The following DSE variants were observed in gnomAD, a reference collection of about 807,000 sequenced individuals.
DSE encodes dermatan sulfate epimerase.
DSE carries 36 observed loss-of-function variants against 84.4 expected under a neutral mutation model. The ratio of observed to expected loss-of-function variants is 0.43; its 90% CI spans 0.33 to 0.56. The LOEUF (loss-of-function observed/expected upper bound fraction) is 0.56. Ranked by LOEUF, DSE falls within the 20% of genes least tolerant of loss-of-function variation. The pLI is 0.06. For synonymous variants in DSE, 410 were observed against 430.1 expected (o/e 0.95, Z 0.58); for missense variants, 862 against 1,169.6 (o/e 0.74, Z 3.84).
intron 2 of DSE, among the ~76,000 whole-genome samples, chr6:116,416,036 C>G (rs187957423): frequency 5.2e-4 from 79 of 152,322 alleles, no homozygotes; most frequent in Non-Finnish European, 8.1e-4. Flanking sequence ...TTGCCTTTTT[C>G]TAGCTTTTGG....
chr6:116,369,012 T>G (rs1779343286), upstream of DSE, among the ~76,000 whole-genome samples: 1 of 151,210 alleles, frequency 6.6e-6, no homozygotes. Flanking sequence ...AGCAAAATTG[T>G]GGGGGGTGTG....
At chr6:116,358,634 ATAAACAAATGATCTTCCTAT>A (rs1158784404) in intron 2 of DSE, among the ~76,000 whole-genome samples, 1 of 152,206 alleles carries the variant, frequency 6.6e-6, no homozygotes, top group Non-Finnish European at 1.5e-5. Context: ...GTTGTGCCTC[ATAAACAAATGATCTTCCTAT>A]TGGAAGAGCT....
chr6:116,369,102 A>G (rs1379969949), upstream of DSE, among the ~76,000 whole-genome samples: 3 of 152,184 alleles, frequency 2.0e-5, no homozygotes, highest in East Asian at 5.8e-4. Context: ...GTGATCATCT[A>G]GGAAGAGATT....
chr6:116,414,569 C>T (rs374265440), intron 2 of DSE, among the ~76,000 whole-genome samples: 4 of 152,192 alleles, frequency 2.6e-5, no homozygotes, highest in Non-Finnish European at 2.9e-5. Flanking sequence ...TGTGCCACCA[C>T]GCCCAGCTAA....
intron 2 of DSE, among the ~76,000 whole-genome samples, chr6:116,426,364 TGAGA>T (rs1191323611): frequency 6.6e-6 from 1 of 152,208 alleles, no homozygotes; most frequent in East Asian, 1.9e-4. Context: ...GCCAGAATCC[TGAGA>T]GAGAAAACTG....
intron 2 of DSE, among the ~76,000 whole-genome samples, chr6:116,336,359 G>C (rs12333100): frequency 0.045 from 6,902 of 152,166 alleles, 515 homozygotes; most frequent in African/African-American, 0.15. Flanking sequence ...GTTATAATTT[G>C]TAAGAGTTGT....
At chr6:116,342,228 A>G (rs761554278) in intron 2 of DSE, among the ~76,000 whole-genome samples, 2 of 150,710 alleles carry the variant, frequency 1.3e-5, no homozygotes, top group Non-Finnish European at 1.5e-5. Flanking sequence ...AATATATTGT[A>G]GTAAGTTTGG....
intron 2 of DSE, among the ~76,000 whole-genome samples, chr6:116,335,647 A>G (rs2501055): frequency 0.022 from 3,382 of 152,344 alleles, 137 homozygotes; most frequent in African/African-American, 0.078. Context: ...ATCAGGCAAC[A>G]CTTCATTCTA....
intron 2 of DSE, among the ~76,000 whole-genome samples, chr6:116,341,756 T>C (rs1777609804): frequency 6.6e-6 from 1 of 152,244 alleles, no homozygotes; most frequent in African/African-American, 2.4e-5. Flanking sequence ...GGGAATCCTT[T>C]CCCCATTTCT....
rs1045840558 is a variant in DSE, at chr6:116,443,863, A to G, written c.*6518A>G. ...GGCACTTCCTTTTTCTTCCAAAGAA[A>G]TGGTAATAACAGGACACTAGAAGTA... On this transcript the variant is annotated 3_prime_UTR_variant, in exon 6 of 6. Coordinates refer to ENST00000644252, the MANE Select transcript of DSE (RefSeq NM_013352.4). 6.6e-6 allele frequency: 1 copy of G among 152,244 alleles called. No homozygotes were observed. The highest frequency in any genetic ancestry group is 2.4e-5 in the African/African-American group (1 of 41,462). The allele number at this position is 152,244 out of a possible 1,614,324, so 9.4% of individuals were successfully genotyped here.
intron 2 of DSE, among the ~76,000 whole-genome samples, chr6:116,268,932 CTATTT>C (rs1772752427): frequency 6.6e-6 from 1 of 150,522 alleles, no homozygotes; most frequent in African/African-American, 2.4e-5. Flanking sequence ...AATCACATTT[CTATTT>C]TATTTAGGCT....
At chr6:116,279,844 G>A in intron 2 of DSE, 1 of 1,613,008 alleles carries the variant, frequency 6.2e-7, no homozygotes, top group African/African-American at 1.3e-5. Context: ...GCTAACAGTC[G>A]GACCAACCGC....
intron 2 of DSE, among the ~76,000 whole-genome samples, chr6:116,328,839 TATGGGATACCAAGG>T (rs1776781633): frequency 6.6e-6 from 1 of 152,160 alleles, no homozygotes; most frequent in Admixed American, 6.5e-5. Flanking sequence ...CAGTCAGTGG[TATGGGATACCAAGG>T]ATGGGATAAG....
At chr6:116,433,633 A>G (rs1783977705) in intron 5 of DSE, 83 bp downstream of exon 5, 12 of 1,405,202 alleles carry the variant, frequency 8.5e-6, no homozygotes, top group Non-Finnish European at 1.2e-5. Flanking sequence ...TTGCATTTAA[A>G]AAGAAAAACT....
rs546070354 is a variant in DSE at position 116,372,751 on chromosome 6, C to T, written c.-54+1630C>T. Among the ~76,000 whole-genome samples, 78 of 152,220 alleles carry T rather than the reference C, an allele frequency of 5.1e-4. 1 individual carries two copies. Among genetic ancestry groups the T allele is most frequent in the African/African-American group, 1.8e-3 (76 of 41,528 alleles). ...GATAACAGATTGAATTTGATGTCTC[C>T]ATCACCTAGTGACCCGTCTGTGTGG... On this transcript the variant is annotated intron_variant, in intron 1 of 5. Coordinates refer to ENST00000644252, the MANE Select transcript of DSE (RefSeq NM_013352.4).
chr6:116,315,614 C>T lies in DSE; in HGVS notation c.-54+56647C>T, dbSNP rs143293244. ...CTCCAGATCCCATACTCTAAAGCAC[C>T]GTGTTATACTGACTAAAATTAGGCA... On this transcript the variant is annotated intron_variant, in intron 2 of 3. Coordinates refer to the DSE transcript ENST00000430252. Among the ~76,000 whole-genome samples the T allele has an allele frequency of 7.3e-3, 1,107 of 152,182 alleles. 22 individuals carry two copies. The highest frequency in any genetic ancestry group is 0.058 in the South Asian group (278 of 4,820).
intron 2 of DSE, among the ~76,000 whole-genome samples, chr6:116,289,099 G>A (rs1774120249): frequency 6.6e-6 from 1 of 151,926 alleles, no homozygotes; most frequent in African/African-American, 2.4e-5. Context: ...TTCAGAGAGA[G>A]GAATGAAGCT....
At chr6:116,258,717 A>G (rs908034200) in exon 2 of DSE, 1 of 1,606,298 alleles carries the variant, frequency 6.2e-7, no homozygotes, top group African/African-American at 1.3e-5. Context: ...GTCGTCTCAC[A>G]GTCCCGGCGC....
Position 116,341,231 on chromosome 6 carries a change from G to A in DSE, c.-53-57967G>A, listed in dbSNP as rs967599755. Reference sequence around the variant, plus strand: ...TGAATTTGATTTGCATTTCTCTGATGGCCAGTGATGATGACCATTTTTTAA... The same window carrying A: ...TGAATTTGATTTGCATTTCTCTGATAGCCAGTGATGATGACCATTTTTTAA... On this transcript the variant is annotated intron_variant, in intron 2 of 3. Transcript: ENST00000430252. Among the ~76,000 whole-genome samples the A allele has an allele frequency of 3.3e-5, 5 of 152,170 alleles. No homozygotes were observed. In the South Asian group the frequency reaches 8.3e-4, roughly 25 times the overall value.
Sources: gnomAD v4.1 joint callset for allele counts (sites outside exome capture counted in the v4.1 genomes callset) on GRCh38, gnomAD v4.1.1 for gene constraint, MANE v1.5 for transcripts, NCBI Gene and HGNC (gene_info 2026-07-23, HGNC 2026-07-21) for gene names.